The following RBM27 variants were observed in gnomAD, a reference collection of about 807,000 sequenced individuals.
RBM27 encodes the protein RNA binding motif protein 27, also known as RNA-binding protein 27.
In RBM27, 22 loss-of-function variants were observed where a neutral mutation model predicts 135.3. That is an observed-to-expected ratio of 0.16 (90% CI 0.12 to 0.23). RBM27 has a LOEUF of 0.23. RBM27 is among the 10% of genes least tolerant of loss of function. The pLI is 1.00. For missense variants in RBM27, 1,009 were observed against 1,281.0 expected, an observed-to-expected ratio of 0.79 and a Z score of 3.24; for synonymous variants, 481 against 442.4, an observed-to-expected ratio of 1.09 and a Z score of -1.10.
chr5:146,213,984 T>A (rs1477447875), intron 1 of RBM27, among the ~76,000 whole-genome samples: 2 of 152,246 alleles, frequency 1.3e-5, no homozygotes, highest in African/African-American at 4.8e-5. Flanking sequence ...TTTCTTTTGT[T>A]GATTCTTTAA....
chr5:146,261,382 C>A, intron 12 of RBM27, 128 bp from the exon 13 acceptor site: 1 of 782,846 alleles, frequency 1.3e-6, no homozygotes, highest in Admixed American at 2.7e-5. Context: ...ATCTCTAAAA[C>A]AGTAATGTTG....
At chr5:146,277,493 A>G (rs1224237919) in intron 19 of RBM27, among the ~76,000 whole-genome samples, 1 of 150,432 alleles carries the variant, frequency 6.6e-6, no homozygotes, top group Non-Finnish European at 1.5e-5. Flanking sequence ...ACATCATGTT[A>G]GATTTAGCAT....
At chr5:146,213,536 T>G (rs1756061589) in intron 1 of RBM27, among the ~76,000 whole-genome samples, 1 of 152,188 alleles carries the variant, frequency 6.6e-6, no homozygotes, top group Non-Finnish European at 1.5e-5. Flanking sequence ...AACTTAAAAT[T>G]AGATCCATAT....
intron 8 of RBM27, among the ~76,000 whole-genome samples, chr5:146,239,995 T>C (rs900335895): frequency 4.6e-5 from 7 of 151,862 alleles, no homozygotes; most frequent in Non-Finnish European, 4.4e-5. Context: ...CTCAGGCTGG[T>C]CTCAAATTTC....
At position 146,255,045 on chromosome 5, in the gene RBM27, C is replaced by G. The variant is rs1187743428; in HGVS notation, c.1547C>G (p.Pro516Arg). 2 of 1,612,340 alleles carry G rather than the reference C, an allele frequency of 1.2e-6. 1 individual carries two copies. Among genetic ancestry groups the G allele is most frequent in the Non-Finnish European group, 1.7e-6 (2 of 1,178,640 alleles). ...TTTTCAAGAACTCAGACACAGCGTC[C>G]CAATCTGATTGGCCTAACATCTGGA... ...QFFSRTQTQR[P>R]NLIGLTSGDM... The change falls in exon 10 of 21, where the codon CCC (proline) becomes CGC (arginine). Residue 516 changes from proline to arginine, a missense_variant. Transcript: ENST00000265271.
intron 19 of RBM27, among the ~76,000 whole-genome samples, chr5:146,272,040 A>G (rs531484074): frequency 4.5e-4 from 68 of 152,394 alleles, no homozygotes; most frequent in African/African-American, 1.6e-3. Context: ...TACATTCTGT[A>G]TATAGTGGCA....
chr5:146,246,688 C>G (rs865958395), intron 8 of RBM27, among the ~76,000 whole-genome samples: 1 of 152,032 alleles, frequency 6.6e-6, no homozygotes, highest in Non-Finnish European at 1.5e-5. Context: ...GACCTCATCT[C>G]AAATTTAAAA....
chr5:146,230,586 A>G lies in RBM27; in HGVS notation c.590-71A>G, dbSNP rs565578555. ...CATTCTCATGTTTTCTATGTGAGAA[A>G]ATAAATATAGTTTAAGAACATGAAA... is the stretch of plus-strand genomic sequence containing the variant. On this transcript the variant is annotated intron_variant, in intron 5 of 20. Coordinates refer to ENST00000265271, the MANE Select transcript of RBM27 (RefSeq NM_018989.2). 8.8e-6 allele frequency: 13 copies of G among 1,484,562 alleles called. No homozygotes were observed. In the South Asian group the frequency reaches 1.6e-4, roughly 19 times the overall value. The allele number at this position is 1,484,562 out of a possible 1,614,324, so 92.0% of individuals were successfully genotyped here. A position where few individuals can be genotyped will look rare whatever the true frequency, so the allele number is the denominator to read the frequency against.
chr5:146,259,798 C>T (rs1183745097), intron 11 of RBM27, among the ~76,000 whole-genome samples: 5 of 147,814 alleles, frequency 3.4e-5, no homozygotes, highest in Non-Finnish European at 7.4e-5. Flanking sequence ...AAGGTGAAAC[C>T]CCGTGTCTAC....
chr5:146,218,032 A>G lies in RBM27; in HGVS notation c.60-953A>G, dbSNP rs537933245. Among the ~76,000 whole-genome samples the G allele has an allele frequency of 4.6e-5, 7 of 152,320 alleles. No individual in the cohort carries two copies. The East Asian group carries it at 1.4e-3, about 29-fold the overall frequency. On this transcript the variant is annotated intron_variant, in intron 1 of 20. Coordinates refer to ENST00000265271, the MANE Select transcript of RBM27 (RefSeq NM_018989.2). ...CTCAGCCTCTCAGGATGTTGGGATT[A>G]CAGGCATGAGCCATTGCACCCAGCC...
intron 8 of RBM27, among the ~76,000 whole-genome samples, chr5:146,248,655 G>A (rs1172906574): frequency 6.6e-6 from 1 of 152,100 alleles, no homozygotes; most frequent in East Asian, 1.9e-4. Context: ...TAGTAGAGAC[G>A]GGGTTTCACC....
At position 146,251,820 on chromosome 5, in the gene RBM27, G is replaced by T. The variant is rs750364546; in HGVS notation, c.1389G>T (p.Met463Ile). ...AARLVPPRNL[M>I]GSSIGYHTSV... ...GTTTGGTGCCACCTCGAAACCTCATGGGATCCTCCATTGGATACCATACCT... is the reference window on the plus strand; with the variant it reads ...GTTTGGTGCCACCTCGAAACCTCATTGGATCCTCCATTGGATACCATACCT... Residue 463 changes from methionine to isoleucine, a missense_variant, in exon 9 of 21, where the codon ATG becomes ATT. Physicochemically the swap from Met to Ile is conservative, Grantham distance 10 (BLOSUM62 1). Transcript: ENST00000265271. 6.2e-7 allele frequency: 1 copy of T among 1,613,926 alleles called. No individual in the cohort carries two copies.
At chr5:146,217,282 T>C (rs975905693) in intron 1 of RBM27, among the ~76,000 whole-genome samples, 1 of 152,074 alleles carries the variant, frequency 6.6e-6, no homozygotes, top group Non-Finnish European at 1.5e-5. Context: ...AATGGATGTT[T>C]AAAGAACCAG....
chr5:146,267,006 CAA>C (rs1367910289), intron 14 of RBM27, among the ~76,000 whole-genome samples: 6 of 152,098 alleles, frequency 3.9e-5, no homozygotes, highest in African/African-American at 7.2e-5. Context: ...TTACTGGAAA[CAA>C]GAGTTTTTAT....
intron 9 of RBM27, among the ~76,000 whole-genome samples, chr5:146,253,117 C>T (rs1017610995): frequency 6.6e-6 from 1 of 152,128 alleles, no homozygotes; most frequent in Admixed American, 6.5e-5. Flanking sequence ...CCTGCCTCAG[C>T]CTCCTGAGTA....
chr5:146,221,351 G>T (rs989448748), intron 2 of RBM27, among the ~76,000 whole-genome samples: 2 of 152,142 alleles, frequency 1.3e-5, no homozygotes, highest in East Asian at 3.8e-4. Flanking sequence ...TTGTGCATAT[G>T]GTCTATATCT....
At chr5:146,276,110 C>A (rs1421466648) in intron 19 of RBM27, among the ~76,000 whole-genome samples, 1 of 151,640 alleles carries the variant, frequency 6.6e-6, no homozygotes, top group Non-Finnish European at 1.5e-5. Context: ...ACTGTTACTT[C>A]TTGATTTCTA....
intron 18 of RBM27, 32 bp from the exon 19 acceptor site, chr5:146,271,451 T>C: frequency 6.5e-7 from 1 of 1,545,042 alleles, no homozygotes; most frequent in East Asian, 2.3e-5. Flanking sequence ...TCTAATAATG[T>C]ATGCTACATT....
chr5:146,239,472 C>CTTTTTTT (rs916182587), intron 8 of RBM27, among the ~76,000 whole-genome samples: 97 of 55,340 alleles, frequency 1.8e-3, no homozygotes, highest in Non-Finnish European at 2.6e-3. Flanking sequence ...TTTTCCTTTT[C>CTTTTTTT]TTTTTTTTTT....
Sources: allele counts gnomAD v4.1 joint callset (sites outside exome capture counted in the v4.1 genomes callset), GRCh38; gene constraint gnomAD v4.1.1; transcripts MANE v1.5; gene names NCBI Gene and HGNC (gene_info 2026-07-23, HGNC 2026-07-21).